The following ENTREP2 variants were observed in gnomAD, a reference collection of about 807,000 sequenced individuals.
ENTREP2 encodes the protein endosomal transmembrane epsin interactor 2.
the ENTREP2 span, among the ~76,000 whole-genome samples, chr15:29,159,235 C>T: frequency 1.3e-5 from 2 of 151,766 alleles, no homozygotes; most frequent in Non-Finnish European, 2.9e-5. Context: ...CAGACCTCCG[C>T]GGTGAGTGTT....
the ENTREP2 span, among the ~76,000 whole-genome samples, chr15:29,125,618 C>T: frequency 4.1e-4 from 62 of 152,308 alleles, no homozygotes; most frequent in African/African-American, 1.4e-3. Flanking sequence ...GGTCAAAGGC[C>T]CACCAATCTT....
chr15:29,222,689 G>A, the ENTREP2 span, among the ~76,000 whole-genome samples: 1 of 152,110 alleles, frequency 6.6e-6, no homozygotes, highest in Non-Finnish European at 1.5e-5. Context: ...ATGTTCAGGA[G>A]AGGTTCAGGG....
chr15:29,129,978 C>T, the ENTREP2 span, among the ~76,000 whole-genome samples: 6 of 152,176 alleles, frequency 3.9e-5, no homozygotes, highest in Admixed American at 1.3e-4. Context: ...GGGGCTCCTG[C>T]GACTTGCTCT....
At chr15:29,576,723 T>C in the ENTREP2 span, among the ~76,000 whole-genome samples, 3 of 152,344 alleles carry the variant, frequency 2.0e-5, no homozygotes, top group South Asian at 6.2e-4. Context: ...GAAAAGATGC[T>C]CATCACTCAT....
chr15:29,560,045 G>A, the ENTREP2 span, among the ~76,000 whole-genome samples: 1 of 152,170 alleles, frequency 6.6e-6, no homozygotes, highest in Non-Finnish European at 1.5e-5. Context: ...TGTGTGAAGG[G>A]GAAATTGAGA....
chr15:29,252,950 A>G, the ENTREP2 span, among the ~76,000 whole-genome samples: 1 of 152,180 alleles, frequency 6.6e-6, no homozygotes, highest in Non-Finnish European at 1.5e-5. Context: ...TAATTAATCC[A>G]CTTACGGCCA....
the ENTREP2 span, among the ~76,000 whole-genome samples, chr15:29,394,428 G>A: frequency 6.6e-6 from 1 of 151,958 alleles, no homozygotes; most frequent in African/African-American, 2.4e-5. Context: ...AAATTCCCAG[G>A]AACAAAAACA....
the ENTREP2 span, among the ~76,000 whole-genome samples, chr15:29,239,273 G>A: frequency 3.5e-4 from 53 of 152,156 alleles, no homozygotes; most frequent in African/African-American, 1.2e-3. Context: ...CCTGTTCCCC[G>A]GGTTGTATAA....
At chr15:29,278,041 A>C in the ENTREP2 span, among the ~76,000 whole-genome samples, 1 of 152,236 alleles carries the variant, frequency 6.6e-6, no homozygotes, top group Non-Finnish European at 1.5e-5. Context: ...GGGAGATAAC[A>C]ACCATAAAGA....
the ENTREP2 span, among the ~76,000 whole-genome samples, chr15:29,435,913 G>A: frequency 1.3e-5 from 2 of 152,056 alleles, no homozygotes; most frequent in Non-Finnish European, 2.9e-5. Context: ...CTATTTTTAT[G>A]AAACATGACA....
chr15:29,469,983 T>C, the ENTREP2 span, among the ~76,000 whole-genome samples: 1 of 152,296 alleles, frequency 6.6e-6, no homozygotes, highest in African/African-American at 2.4e-5. Flanking sequence ...TCATCAAAAG[T>C]AAGAGCTAAA....
the ENTREP2 span, among the ~76,000 whole-genome samples, chr15:29,526,518 C>T: frequency 4.6e-5 from 7 of 152,194 alleles, no homozygotes; most frequent in South Asian, 6.2e-4. Flanking sequence ...GGCTAGGGTG[C>T]AATAGCGTGA....
At chr15:29,206,471 A>C in the ENTREP2 span, among the ~76,000 whole-genome samples, 3 of 152,174 alleles carry the variant, frequency 2.0e-5, no homozygotes, top group Non-Finnish European at 4.4e-5. Flanking sequence ...GTAAGACCCC[A>C]AAAACTCCAG....
At chr15:29,124,571 T>C in the ENTREP2 span, 2 of 811,328 alleles carry the variant, frequency 2.5e-6, no homozygotes, top group Non-Finnish European at 3.9e-6. Flanking sequence ...GCAGCCCCCA[T>C]TCCCGGGGGT....
chr15:29,675,265 G>T, the ENTREP2 span: 1 of 152,326 alleles, frequency 6.6e-6, no homozygotes, highest in Admixed American at 6.5e-5. Context: ...GGCACTTTCC[G>T]CCCTGAGCGT....
At chr15:29,175,559 CCTT>C in the ENTREP2 span, among the ~76,000 whole-genome samples, 3 of 152,184 alleles carry the variant, frequency 2.0e-5, no homozygotes, top group African/African-American at 7.2e-5. Flanking sequence ...CCAGGGTGCT[CCTT>C]GTGTTCAACT....
the ENTREP2 span, among the ~76,000 whole-genome samples, chr15:29,433,786 A>G: frequency 1.8e-4 from 27 of 150,672 alleles, no homozygotes; most frequent in South Asian, 1.5e-3. Flanking sequence ...CATGGGAAAA[A>G]AAAAAAAAAA....
the ENTREP2 span, among the ~76,000 whole-genome samples, chr15:29,280,407 A>C: frequency 6.6e-6 from 1 of 152,144 alleles, no homozygotes; most frequent in African/African-American, 2.4e-5. Flanking sequence ...GAACAGACAA[A>C]ATAAAGAAGA....
the ENTREP2 span, among the ~76,000 whole-genome samples, chr15:29,239,585 C>A: frequency 6.6e-6 from 1 of 152,156 alleles, no homozygotes; most frequent in Non-Finnish European, 1.5e-5. Context: ...ATCACAGGCA[C>A]AGCTGGGATC....
Sources: allele counts gnomAD v4.1 joint callset (sites outside exome capture counted in the v4.1 genomes callset), GRCh38; gene constraint gnomAD v4.1.1; transcripts MANE v1.5; gene names NCBI Gene and HGNC (gene_info 2026-07-23, HGNC 2026-07-21).